The following CORIN variants were observed in gnomAD, a reference collection of about 807,000 sequenced individuals.
CORIN encodes the protein atrial natriuretic peptide-converting enzyme.
Under a neutral mutation model 125.3 loss-of-function variants are expected in CORIN, and 117 were observed. The observed-to-expected ratio is 0.93, with a 90% confidence interval of 0.80 to 1.09. The LOEUF (loss-of-function observed/expected upper bound fraction) is 1.09, where lower values mean the gene tolerates loss of function less well. Ranked by LOEUF, CORIN falls within the 50% of genes least tolerant of loss-of-function variation. The pLI is 0.00. For missense variants in CORIN, 1,253 were observed against 1,306.7 expected (o/e 0.96, Z 0.63); for synonymous variants, 450 against 466.4 (o/e 0.96, Z 0.45).
intron 5 of CORIN, among the ~76,000 whole-genome samples, chr4:47,719,950 T>G (rs900895434): frequency 6.6e-6 from 1 of 152,226 alleles, no homozygotes; most frequent in Non-Finnish European, 1.5e-5. Context: ...TTAGCCTCAC[T>G]TTTCATTTAA....
intron 10 of CORIN, among the ~76,000 whole-genome samples, chr4:47,668,838 C>G (rs879860858): frequency 1.3e-5 from 2 of 152,170 alleles, no homozygotes; most frequent in Non-Finnish European, 2.9e-5. Context: ...TTCTGTAGAT[C>G]TTTATTGAAT....
chr4:47,832,401 G>C (rs548403618), intron 1 of CORIN, among the ~76,000 whole-genome samples: 1 of 151,574 alleles, frequency 6.6e-6, no homozygotes, highest in African/African-American at 2.4e-5. Flanking sequence ...GTGCTTTACA[G>C]GAAAACTTTT....
At chr4:47,710,223 T>A (rs527713710) in intron 5 of CORIN, among the ~76,000 whole-genome samples, 83 of 152,238 alleles carry the variant, frequency 5.5e-4, no homozygotes, top group Non-Finnish European at 1.1e-3. Flanking sequence ...TCATTTTATT[T>A]TATCTTCCTC....
chr4:47,642,484 C>T (rs1723274146), intron 15 of CORIN, among the ~76,000 whole-genome samples: 1 of 152,164 alleles, frequency 6.6e-6, no homozygotes, highest in South Asian at 2.1e-4. Context: ...GTGTTAATTC[C>T]TATTATATAA....
intron 5 of CORIN, among the ~76,000 whole-genome samples, chr4:47,703,424 C>T (rs1366734056): frequency 6.6e-6 from 1 of 152,112 alleles, no homozygotes; most frequent in Non-Finnish European, 1.5e-5. Context: ...CATAAACACC[C>T]TGATATCCAC....
intron 13 of CORIN, among the ~76,000 whole-genome samples, chr4:47,652,474 A>T (rs1176555642): frequency 6.6e-6 from 1 of 152,242 alleles, no homozygotes; most frequent in African/African-American, 2.4e-5. Flanking sequence ...TTCTTCTTAA[A>T]CAGGAAAGGC....
chr4:47,681,384 C>T (rs946734305), intron 7 of CORIN: 1 of 152,268 alleles, frequency 6.6e-6, no homozygotes, highest in Non-Finnish European at 1.5e-5. Flanking sequence ...TAGATGGAGA[C>T]AACTGGCATC....
At chr4:47,661,919 T>G (rs1260677073) in intron 11 of CORIN, 63 bp from the exon 12 acceptor site, 1 of 1,464,200 alleles carries the variant, frequency 6.8e-7, no homozygotes, top group Non-Finnish European at 9.2e-7. Context: ...ACAGATGTCA[T>G]AAATTTATGT....
At chr4:47,644,070 T>A (rs2109618230) in intron 14 of CORIN, among the ~76,000 whole-genome samples, 1 of 152,304 alleles carries the variant, frequency 6.6e-6, no homozygotes, top group East Asian at 1.9e-4. Flanking sequence ...ACCTTTTTTT[T>A]GATTGGTTCT....
chr4:47,607,369 C>A (rs1246789141), intron 19 of CORIN, among the ~76,000 whole-genome samples: 4 of 151,630 alleles, frequency 2.6e-5, no homozygotes, highest in African/African-American at 9.7e-5. Context: ...GATCGCGCCA[C>A]TGCACTCCAG....
chr4:47,624,004 T>A, intron 17 of CORIN, 56 bp from the exon 18 acceptor site: 8 of 1,444,102 alleles, frequency 5.5e-6, no homozygotes, highest in Non-Finnish European at 6.8e-6. Context: ...CTTGTTCAAT[T>A]CAAACACTTT....
intron 20 of CORIN, among the ~76,000 whole-genome samples, chr4:47,602,993 A>T (rs914102507): frequency 1.3e-5 from 2 of 152,050 alleles, no homozygotes; most frequent in Non-Finnish European, 2.9e-5. Context: ...CAACTGAGGA[A>T]CACAATGTTT....
intron 19 of CORIN, among the ~76,000 whole-genome samples, chr4:47,623,090 C>CTA (rs1455350290): frequency 5.2e-5 from 6 of 114,982 alleles, no homozygotes; most frequent in African/African-American, 1.2e-4. Context: ...CTCTCTCTCT[C>CTA]TCTCTCTATA....
intron 1 of CORIN, among the ~76,000 whole-genome samples, chr4:47,820,285 G>GA: frequency 6.6e-6 from 1 of 152,122 alleles, no homozygotes; most frequent in African/African-American, 2.4e-5. Context: ...AGGGTGAGGG[G>GA]AGAAATTTTC....
intron 5 of CORIN, among the ~76,000 whole-genome samples, chr4:47,713,224 T>G (rs1577854102): frequency 6.6e-6 from 1 of 152,328 alleles, no homozygotes; most frequent in East Asian, 1.9e-4. Context: ...GTTAATTGCT[T>G]ATTTATTTCT....
chr4:47,826,317 T>C (rs1479416240), intron 1 of CORIN, among the ~76,000 whole-genome samples: 1 of 152,228 alleles, frequency 6.6e-6, no homozygotes, highest in Non-Finnish European at 1.5e-5. Flanking sequence ...AGTTATATAG[T>C]TGTTTCTTCT....
chr4:47,807,469 A>T (rs542432417), intron 1 of CORIN, among the ~76,000 whole-genome samples: 1 of 152,302 alleles, frequency 6.6e-6, no homozygotes, highest in South Asian at 2.1e-4. Flanking sequence ...TCCAGACTTC[A>T]TTCTTTTTTG....
chr4:47,594,949 G>A lies in CORIN; in HGVS notation c.*772C>T, dbSNP rs1721195207. The A allele has an allele frequency of 6.6e-6, 1 of 152,168 alleles. No individual in the cohort carries two copies. Among genetic ancestry groups the A allele is most frequent in the South Asian group, 2.1e-4 (1 of 4,828 alleles). 9.4% of individuals were successfully genotyped at this position (152,168 alleles called of 1,614,324 possible). On this transcript the variant is annotated 3_prime_UTR_variant, in exon 22 of 22. Coordinates refer to ENST00000273857, the MANE Select transcript of CORIN (RefSeq NM_006587.4). ...CATCCAGAATGGGGGGTCCAATAAT[G>A]TCAAGTGTTAATATTGATATCTAAA...
intron 11 of CORIN, among the ~76,000 whole-genome samples, chr4:47,664,397 C>T (rs185404135): frequency 3.3e-5 from 5 of 152,188 alleles, no homozygotes; most frequent in Admixed American, 6.5e-5. Context: ...GTAAAGGAAC[C>T]GAGGCTGAGA....
Sources: allele counts gnomAD v4.1 joint callset (sites outside exome capture counted in the v4.1 genomes callset), GRCh38; gene constraint gnomAD v4.1.1; transcripts MANE v1.5; gene names NCBI Gene and HGNC (gene_info 2026-07-23, HGNC 2026-07-21).